CCN6: variants seen among roughly 807,000 people sequenced by gnomAD.
CCN6 encodes cellular communication network factor 6, also known as CCN family member 6.
Under a neutral mutation model 37.4 loss-of-function variants are expected in CCN6, and 31 were observed. That is an observed-to-expected ratio of 0.83 (90% CI 0.62 to 1.12). CCN6 has a LOEUF of 1.12. CCN6 is among the 50% of genes most tolerant of loss of function. The pLI is 0.00. For missense variants in CCN6, 369 were observed against 413.8 expected, an observed-to-expected ratio of 0.89 and a Z score of 0.94; for synonymous variants, 137 against 142.1, an observed-to-expected ratio of 0.96 and a Z score of 0.26.
intron 1 of CCN6, among the ~76,000 whole-genome samples, chr6:112,056,751 A>G (rs1371974291): frequency 6.6e-6 from 1 of 152,162 alleles, no homozygotes; most frequent in Non-Finnish European, 1.5e-5. Context: ...TCCCCGCCTC[A>G]AGTGATCCAC....
At chr6:112,054,623 G>T (rs1208398818) in intron 1 of CCN6, 1 of 565,068 alleles carries the variant, frequency 1.8e-6, no homozygotes, top group East Asian at 3.2e-5. Flanking sequence ...TCCCTTTCAG[G>T]TAATGGCACC....
intron 3 of CCN6, among the ~76,000 whole-genome samples, chr6:112,065,780 A>C (rs889358557): frequency 9.2e-5 from 14 of 152,118 alleles, no homozygotes; most frequent in African/African-American, 3.4e-4. Context: ...ATACTTATAA[A>C]CCTTGTATTC....
intron 1 of CCN6, 80 bp downstream of exon 1, chr6:112,054,485 G>A: frequency 1.5e-6 from 2 of 1,302,510 alleles, no homozygotes; most frequent in East Asian, 2.3e-5. Context: ...TAAACAAAAC[G>A]AAGATGGAGG....
chr6:112,054,048 G>C, upstream of CCN6: 1 of 554,412 alleles, frequency 1.8e-6, no homozygotes, highest in East Asian at 3.2e-5. Flanking sequence ...CAGTCACTTA[G>C]AGAACAGTCA....
chr6:112,061,868 A>G (rs1776534915), intron 2 of CCN6, among the ~76,000 whole-genome samples: 1 of 152,238 alleles, frequency 6.6e-6, no homozygotes, highest in Admixed American at 6.5e-5. Context: ...CATTGACACT[A>G]ATTCAGGGTG....
upstream of CCN6, among the ~76,000 whole-genome samples, chr6:112,053,800 C>T (rs111248364): frequency 6.7e-6 from 1 of 148,470 alleles, no homozygotes; most frequent in Non-Finnish European, 1.5e-5. Flanking sequence ...AGTCAGGGTC[C>T]TTCGAGAGCC....
intron 3 of CCN6, 79 bp downstream of exon 3, chr6:112,065,076 C>CAGTA (rs1181857365): frequency 1.3e-6 from 2 of 1,597,774 alleles, no homozygotes; most frequent in Non-Finnish European, 1.7e-6. Context: ...CATAGGTACT[C>CAGTA]AGTAAGTACT....
intron 3 of CCN6, among the ~76,000 whole-genome samples, chr6:112,066,113 A>G (rs1776688378): frequency 3.9e-5 from 6 of 152,250 alleles, no homozygotes; most frequent in Admixed American, 3.9e-4. Context: ...AACTAACTCT[A>G]TGAAAGGAAC....
intron 2 of CCN6, among the ~76,000 whole-genome samples, chr6:112,063,718 A>C (rs1554313310): frequency 6.6e-6 from 1 of 152,240 alleles, no homozygotes; most frequent in African/African-American, 2.4e-5. Context: ...TCTTCAAAAA[A>C]AATTTCCAAA....
intron 3 of CCN6, among the ~76,000 whole-genome samples, chr6:112,066,283 T>C (rs1326837165): frequency 6.6e-6 from 1 of 151,974 alleles, no homozygotes; most frequent in Non-Finnish European, 1.5e-5. Context: ...TTTTTCAAAA[T>C]GTACAGAACA....
rs782800787 is a variant in CCN6, at chr6:112,054,367, C to T, written c.10C>T (p.Leu4Phe). 3.7e-6 allele frequency: 6 copies of T among 1,613,696 alleles called. No homozygotes were observed. The highest frequency in any genetic ancestry group is 1.6e-4 in the Middle Eastern group (1 of 6,080). The part of the protein sequence containing the change: MQG[L>F]LFSTLLLAGL... The stretch of plus-strand genomic sequence containing the variant: ...CCACGGTCCCAGCGACATGCAGGGG[C>T]TCCTCTTCTCCACTCTTCTGCTTGC... The change falls in exon 1 of 5, where the codon CTC becomes TTC. Residue 4 changes from leucine to phenylalanine, a missense_variant. Leu to Phe is a conservative substitution (Grantham distance 22). Coordinates refer to ENST00000368666, the MANE Select transcript of CCN6 (RefSeq NM_198239.2).
Position 112,064,722 on chromosome 6 carries a change from T to G in CCN6, c.347-33T>G, listed in dbSNP as rs782136171. On this transcript the variant is annotated intron_variant, in intron 2 of 4. Transcript: ENST00000368666. ...GGTCTAGACTATCACAGATCATGGCTTCTTTGGCAATTTTGCTCTTTTCTC... is the reference window on the plus strand; with the variant it reads ...GGTCTAGACTATCACAGATCATGGCGTCTTTGGCAATTTTGCTCTTTTCTC... 1.9e-6 allele frequency: 3 copies of G among 1,613,768 alleles called. No homozygotes were observed. In the East Asian group the frequency reaches 6.7e-5, roughly 36 times the overall value.
chr6:112,054,690 C>G (rs1478665859), intron 1 of CCN6: 1 of 413,716 alleles, frequency 2.4e-6, no homozygotes, highest in East Asian at 5.6e-5. Flanking sequence ...ATTTTTATAG[C>G]AGAGCCTAAG....
chr6:112,069,405 G>C lies in CCN6; in HGVS notation c.850G>C (p.Gly284Arg). ...CAAAGCTGAAAAATTTGTCTTTTCTGGATGCTCAAGTACTCAGAGTTACAA... is the reference window on the plus strand; with the variant it reads ...CAAAGCTGAAAAATTTGTCTTTTCTCGATGCTCAAGTACTCAGAGTTACAA... ...LSKAEKFVFS[G>R]CSSTQSYKPT... The change falls in exon 5 of 5, where the codon GGA (glycine) becomes CGA (arginine). Residue 284 changes from glycine to arginine, a missense_variant. Transcript: ENST00000368666. 1 of 1,613,632 alleles carries C rather than the reference G, an allele frequency of 6.2e-7. No individual in the cohort carries two copies. Among genetic ancestry groups the C allele is most frequent in the Non-Finnish European group, 8.5e-7 (1 of 1,179,866 alleles).
chr6:112,058,437 T>C (rs1554312168), intron 1 of CCN6, among the ~76,000 whole-genome samples: 1 of 152,194 alleles, frequency 6.6e-6, no homozygotes, highest in Non-Finnish European at 1.5e-5. Flanking sequence ...ATAAGCAAAT[T>C]GCCAGGCACT....
chr6:112,063,063 G>A (rs981054088), intron 2 of CCN6, among the ~76,000 whole-genome samples: 1 of 152,152 alleles, frequency 6.6e-6, no homozygotes, highest in Non-Finnish European at 1.5e-5. Flanking sequence ...TAGTAAAAGA[G>A]TGTCATTGTT....
chr6:112,052,852 T>G (rs1258715733), upstream of CCN6, among the ~76,000 whole-genome samples: 1 of 152,186 alleles, frequency 6.6e-6, no homozygotes, highest in Non-Finnish European at 1.5e-5. Context: ...CTGTGTGATC[T>G]GCAGGTTTTA....
intron 2 of CCN6, among the ~76,000 whole-genome samples, chr6:112,062,938 T>C (rs1554313165): frequency 6.6e-6 from 1 of 152,232 alleles, no homozygotes. Flanking sequence ...CATTGATATT[T>C]GATGGATTAG....
At chr6:112,056,554 T>C (rs1425636853) in intron 1 of CCN6, among the ~76,000 whole-genome samples, 1 of 152,154 alleles carries the variant, frequency 6.6e-6, no homozygotes, top group East Asian at 1.9e-4. Flanking sequence ...TCACCCTCTG[T>C]TGCCTAGGCT....
Sources: gnomAD v4.1 joint callset for allele counts (sites outside exome capture counted in the v4.1 genomes callset) on GRCh38, gnomAD v4.1.1 for gene constraint, MANE v1.5 for transcripts, NCBI Gene and HGNC (gene_info 2026-07-23, HGNC 2026-07-21) for gene names.